Variants in HIVEP1 observed in about 807,000 individuals in gnomAD.
HIVEP1 encodes HIVEP zinc finger 1.
Under a neutral mutation model 180.0 loss-of-function variants are expected in HIVEP1, and 36 were observed. The observed-to-expected ratio is 0.20, with a 90% CI of 0.15 to 0.26. HIVEP1 has a LOEUF of 0.26. Among genes scored for constraint, HIVEP1 ranks in the 10% least tolerant of loss-of-function variants. The pLI, the probability that HIVEP1 is intolerant of heterozygous loss-of-function variation, is 1.00. For missense variants in HIVEP1, 3,143 were observed against 3,268.7 expected (o/e 0.96, Z 0.94); for synonymous variants, 1,239 against 1,239.0 (o/e 1.00, Z 0.00).
At chr6:12,157,443 A>G (rs2113672868) in intron 7 of HIVEP1, among the ~76,000 whole-genome samples, 1 of 152,132 alleles carries the variant, frequency 6.6e-6, no homozygotes, top group African/African-American at 2.4e-5. Context: ...ATTCTGTTCT[A>G]TTTCCTCTAC....
rs773329120 is a variant in HIVEP1, at chr6:12,123,661, T to G, written c.3866T>G (p.Ile1289Arg). 1 of 1,614,056 alleles carries G rather than the reference T, an allele frequency of 6.2e-7. No homozygotes were observed. The highest frequency in any genetic ancestry group is 8.5e-7 in the Non-Finnish European group (1 of 1,180,020). Residue 1289 changes from isoleucine (I) to arginine (R), a missense_variant, in exon 4 of 9, where the codon ATA becomes AGA. This residue lies in a region of HIVEP1 where 1,357 missense variants were observed against 1,260.5 expected (regional missense o/e 1.08). Coordinates refer to ENST00000379388, the MANE Select transcript of HIVEP1 (RefSeq NM_002114.4). ...AAGAAAAGGCTCCGTCTGGCTGAGA[T>G]AGAACATTCCTCAACAGAATCGAGC... ...PKKKRLRLAE[I>R]EHSSTESSFD...
downstream of HIVEP1, among the ~76,000 whole-genome samples, chr6:12,167,647 A>ATATATGTTATATATACATATATACG (rs1562023649): frequency 2.1e-5 from 2 of 95,264 alleles, no homozygotes; most frequent in East Asian, 5.1e-4. Context: ...ATACATATAC[A>ATATATGTTATATATACATATATACG]TATATATGTT....
Position 12,085,420 on chromosome 6 carries a change from A to G in HIVEP1, c.41-3764A>G, listed in dbSNP as rs558452273. On this transcript the variant is annotated intron_variant, in intron 2 of 8. Coordinates refer to ENST00000379388, the MANE Select transcript of HIVEP1 (RefSeq NM_002114.4). ...AGAGAGAACAGAAGTGGCAAAGGGCAAAGAGGTAACTAGATTACAAAGAAC... is the reference window on the plus strand; with the variant it reads ...AGAGAGAACAGAAGTGGCAAAGGGCGAAGAGGTAACTAGATTACAAAGAAC... 1.8e-4 allele frequency among the ~76,000 whole-genome samples: 28 copies of G among 152,270 alleles called. No individual in the cohort carries two copies. In the Middle Eastern group the frequency reaches 0.01, roughly 55 times the overall value.
chr6:12,143,425 T>C (rs184816183), intron 7 of HIVEP1, among the ~76,000 whole-genome samples: 2 of 152,256 alleles, frequency 1.3e-5, no homozygotes, highest in Admixed American at 6.5e-5. Context: ...CCACAACCAA[T>C]ATCATACTGA....
chr6:12,046,881 G>GTGTGTGTGTGTGTGTGT (rs1581572516), intron 2 of HIVEP1, among the ~76,000 whole-genome samples: 1 of 151,378 alleles, frequency 6.6e-6, no homozygotes, highest in Non-Finnish European at 1.5e-5. Context: ...GTGTGTTTGA[G>GTGTGTGTGTGTGTGTGT]ATGGAGTCTC....
At chr6:12,115,211 C>G (rs941424257) in intron 3 of HIVEP1, among the ~76,000 whole-genome samples, 1 of 152,170 alleles carries the variant, frequency 6.6e-6, no homozygotes, top group East Asian at 1.9e-4. Context: ...AAACAGCTGA[C>G]AGTGATATTT....
intron 2 of HIVEP1, chr6:12,037,762 G>A (rs1245978589): frequency 2.2e-6 from 1 of 446,940 alleles, no homozygotes; most frequent in Non-Finnish European, 4.0e-6. Flanking sequence ...GTGCAGTGGT[G>A]TAGTTGTAGC....
intron 2 of HIVEP1, among the ~76,000 whole-genome samples, chr6:12,016,825 C>T (rs1021316458): frequency 3.3e-5 from 5 of 152,174 alleles, no homozygotes; most frequent in African/African-American, 1.2e-4. Context: ...AATCTGAACT[C>T]CCTAGAGACT....
chr6:12,141,690 G>GAAAA, intron 7 of HIVEP1, among the ~76,000 whole-genome samples: 1 of 3,158 alleles, frequency 3.2e-4, no homozygotes, highest in Non-Finnish European at 7.7e-4. Flanking sequence ...CAAATGGAAA[G>GAAAA]CAAAAAAAAA....
chr6:12,173,635 T>G, the HIVEP1 span, among the ~76,000 whole-genome samples: 23 of 152,174 alleles, frequency 1.5e-4, no homozygotes, highest in African/African-American at 5.5e-4. Context: ...ATTAGATAAC[T>G]TTTATGATGT....
intron 7 of HIVEP1, among the ~76,000 whole-genome samples, chr6:12,155,764 C>T (rs1336845034): frequency 6.6e-6 from 1 of 152,122 alleles, no homozygotes; most frequent in Non-Finnish European, 1.5e-5. Context: ...GGTATATACC[C>T]AGTAATGTGA....
At chr6:12,017,510 A>G (rs969305001) in intron 2 of HIVEP1, among the ~76,000 whole-genome samples, 3 of 152,176 alleles carry the variant, frequency 2.0e-5, no homozygotes, top group African/African-American at 7.2e-5. Flanking sequence ...AAGCTTCCAC[A>G]GTCTGCAAGG....
chr6:12,157,205 A>G (rs774821409), intron 7 of HIVEP1, among the ~76,000 whole-genome samples: 4 of 152,148 alleles, frequency 2.6e-5, no homozygotes, highest in Non-Finnish European at 4.4e-5. Flanking sequence ...CTTTATATCA[A>G]TATTTAAAAT....
intron 2 of HIVEP1, among the ~76,000 whole-genome samples, chr6:12,051,498 T>C (rs1770536797): frequency 6.6e-6 from 1 of 152,198 alleles, no homozygotes; most frequent in Non-Finnish European, 1.5e-5. Flanking sequence ...TATTATGTTT[T>C]ATCTTTCCAT....
At chr6:12,041,313 T>G (rs573097698) in intron 2 of HIVEP1, among the ~76,000 whole-genome samples, 1 of 151,176 alleles carries the variant, frequency 6.6e-6, no homozygotes, top group East Asian at 2.0e-4. Flanking sequence ...TCCCAGTTAC[T>G]TGGGAGGCTG....
At chr6:12,052,424 A>G (rs964357581) in intron 2 of HIVEP1, among the ~76,000 whole-genome samples, 2 of 152,372 alleles carry the variant, frequency 1.3e-5, no homozygotes, top group South Asian at 2.1e-4. Flanking sequence ...CCAATAGTAC[A>G]TGAAACTGTT....
At chr6:12,148,946 A>G (rs182675867) in intron 7 of HIVEP1, among the ~76,000 whole-genome samples, 1 of 152,338 alleles carries the variant, frequency 6.6e-6, no homozygotes, top group East Asian at 1.9e-4. Context: ...ATAGATGACT[A>G]TTAGATAATA....
the HIVEP1 span, among the ~76,000 whole-genome samples, chr6:12,182,661 C>T: frequency 6.6e-6 from 1 of 152,272 alleles, no homozygotes; most frequent in Admixed American, 6.5e-5. Flanking sequence ...CTCAATCTCA[C>T]CTCTTGGGTT....
At chr6:12,086,349 C>T (rs1773122147) in intron 2 of HIVEP1, among the ~76,000 whole-genome samples, 1 of 152,108 alleles carries the variant, frequency 6.6e-6, no homozygotes, top group South Asian at 2.1e-4. Context: ...TTATGGGCTT[C>T]AGATTTACTG....
Sources: gnomAD v4.1 joint callset for allele counts (sites outside exome capture counted in the v4.1 genomes callset) on GRCh38, gnomAD v4.1.1 for gene constraint, gnomAD v4.1.1 regional missense constraint, MANE v1.5 for transcripts, NCBI Gene and HGNC (gene_info 2026-07-23, HGNC 2026-07-21) for gene names.